Variants in GREB1L observed in about 807,000 individuals in gnomAD.
GREB1L encodes the protein GREB1 like retinoic acid receptor coactivator, also known as GREB1-like protein.
Under a neutral mutation model 200.8 loss-of-function variants are expected in GREB1L, and 17 were observed. The observed-to-expected ratio is 0.08, with a 90% CI of 0.06 to 0.13. GREB1L has a LOEUF of 0.13. Among genes scored for constraint, GREB1L ranks in the 10% least tolerant of loss-of-function variants. The pLI is 1.00. For missense variants in GREB1L, 1,657 were observed against 2,367.7 expected (o/e 0.70, Z 6.23); for synonymous variants, 789 against 893.0 (o/e 0.88, Z 2.08).
At position 21,443,277 on chromosome 18, in the gene GREB1L, A is replaced by G. The variant is rs561754817; in HGVS notation, c.1208-947A>G. On this transcript the variant is annotated intron_variant, in intron 10 of 32. Transcript: ENST00000424526. ...GAGTGCAGTGGCGCGATCTCGGCTC[A>G]CTGCAACCTCTGCCTCCTGGGTTCA... is the stretch of plus-strand genomic sequence containing the variant. Among the ~76,000 whole-genome samples the G allele has an allele frequency of 7.2e-4, 109 of 152,076 alleles. No homozygotes were observed. The Middle Eastern group carries it at 0.01, about 14-fold the overall frequency.
Position 21,247,582 on chromosome 18 carries a change from C to A in GREB1L, c.-120+5189C>A, listed in dbSNP as rs1254674536. 2.0e-5 allele frequency among the ~76,000 whole-genome samples: 3 copies of A among 152,230 alleles called. No individual in the cohort carries two copies. The East Asian group carries it at 5.8e-4, about 29-fold the overall frequency. On this transcript the variant is annotated intron_variant, in intron 1 of 32. Transcript: ENST00000424526. The stretch of plus-strand genomic sequence containing the variant: ...GACCTGCTTGTTACGGCTCTTCCAA[C>A]TTTTTGTGTGCTTAGGAGACTTTCT...
intron 27 of GREB1L, among the ~76,000 whole-genome samples, chr18:21,511,839 G>GTTTTT (rs1338608333): frequency 1.1e-4 from 16 of 152,130 alleles, no homozygotes; most frequent in Non-Finnish European, 1.5e-5. Context: ...TAGAGACATG[G>GTTTTT]GTCTGTGTTG....
chr18:21,449,132 CT>C (rs1382548849), intron 11 of GREB1L, among the ~76,000 whole-genome samples: 1 of 152,174 alleles, frequency 6.6e-6, no homozygotes, highest in Non-Finnish European at 1.5e-5. Flanking sequence ...AGGTTGGCTT[CT>C]TTTTTCATTA....
At chr18:21,489,092 G>A (rs2036234371) in intron 18 of GREB1L, among the ~76,000 whole-genome samples, 1 of 152,110 alleles carries the variant, frequency 6.6e-6, no homozygotes, top group African/African-American at 2.4e-5. Context: ...TTGCCCATTC[G>A]TACTCATTTT....
intron 1 of GREB1L, among the ~76,000 whole-genome samples, chr18:21,319,048 C>T (rs1164478855): frequency 1.3e-5 from 2 of 152,150 alleles, no homozygotes; most frequent in African/African-American, 2.4e-5. Context: ...CCTGGAGTCC[C>T]TCTTGGCCAA....
At chr18:21,293,697 T>C (rs189463419) in intron 1 of GREB1L, among the ~76,000 whole-genome samples, 3 of 152,340 alleles carry the variant, frequency 2.0e-5, no homozygotes, top group Admixed American at 1.3e-4. Context: ...ACAAAGTCAC[T>C]ATAGTTAGAG....
At chr18:21,510,842 C>G (rs928372110) in intron 27 of GREB1L, among the ~76,000 whole-genome samples, 1 of 151,924 alleles carries the variant, frequency 6.6e-6, no homozygotes, top group Non-Finnish European at 1.5e-5. Context: ...ACATCCTCAC[C>G]AACACTTTTT....
At chr18:21,286,616 A>C (rs2038361684) in intron 1 of GREB1L, among the ~76,000 whole-genome samples, 1 of 152,228 alleles carries the variant, frequency 6.6e-6, no homozygotes, top group African/African-American at 2.4e-5. Context: ...TATGGTTCCC[A>C]GCACTTTACA....
At chr18:21,327,629 C>T (rs1338300661) in intron 1 of GREB1L, among the ~76,000 whole-genome samples, 2 of 149,192 alleles carry the variant, frequency 1.3e-5, no homozygotes, top group Non-Finnish European at 3.0e-5. Flanking sequence ...GTACAGTCTT[C>T]AAGGACTCCC....
chr18:21,443,751 TC>T (rs1598849309), intron 10 of GREB1L, among the ~76,000 whole-genome samples: 1 of 152,306 alleles, frequency 6.6e-6, no homozygotes, highest in East Asian at 1.9e-4. Context: ...TCGAATATCC[TC>T]AAGTCCCTCA....
At chr18:21,348,328 C>T (rs1247936013) in intron 1 of GREB1L, among the ~76,000 whole-genome samples, 2 of 151,998 alleles carry the variant, frequency 1.3e-5, no homozygotes, top group Non-Finnish European at 2.9e-5. Flanking sequence ...CCTAGGCAGT[C>T]ACCAGGTAAT....
chr18:21,458,819 A>C (rs2034899972), intron 15 of GREB1L, among the ~76,000 whole-genome samples: 1 of 152,172 alleles, frequency 6.6e-6, no homozygotes, highest in African/African-American at 2.4e-5. Context: ...ATACTATAGG[A>C]AATTATTTTA....
At chr18:21,436,096 T>A (rs2033519508) in intron 7 of GREB1L, among the ~76,000 whole-genome samples, 1 of 152,138 alleles carries the variant, frequency 6.6e-6, no homozygotes, top group Admixed American at 6.5e-5. Flanking sequence ...GTGATTGCCA[T>A]CATCTGAGAC....
chr18:21,480,303 A>T (rs1489762580), intron 17 of GREB1L, among the ~76,000 whole-genome samples: 1 of 152,134 alleles, frequency 6.6e-6, no homozygotes, highest in African/African-American at 2.4e-5. Flanking sequence ...GTGAGCCGAG[A>T]TTATGCCACT....
In GREB1L at chr18:21,426,958, C is replaced by CAAAAAA. The variant is rs568993346; in HGVS notation, c.833-12554_833-12549dup. Among the ~76,000 whole-genome samples the CAAAAAA allele has an allele frequency of 4.7e-4, 32 of 68,418 alleles. 1 individual carries two copies. Among genetic ancestry groups the CAAAAAA allele is most frequent in the African/African-American group, 1.1e-3 (29 of 26,466 alleles). 44.9% of individuals were successfully genotyped at this position (68,418 alleles called of 152,430 possible). A position where few individuals can be genotyped will look rare whatever the true frequency, so the allele number is the denominator to read the frequency against. On this transcript the variant is annotated intron_variant, in intron 7 of 32. Transcript: ENST00000424526. ...TGGGCAACAGAGCGAGACTACGTCTCAAAAAAAAAAAAAACAAAAAAAAAA... is the reference window on the plus strand; with the variant it reads ...TGGGCAACAGAGCGAGACTACGTCTCAAAAAAAAAAAAAAAAAAAACAAAAAAAAAA...
At chr18:21,260,106 G>A (rs2037866127) in intron 1 of GREB1L, among the ~76,000 whole-genome samples, 1 of 151,874 alleles carries the variant, frequency 6.6e-6, no homozygotes. Context: ...TTCTACTGAT[G>A]TAGATTATAT....
At chr18:21,259,160 AT>A (rs1456934272) in intron 1 of GREB1L, among the ~76,000 whole-genome samples, 46 of 152,336 alleles carry the variant, frequency 3.0e-4, no homozygotes, top group African/African-American at 1.1e-3. Flanking sequence ...TCTATCCTAG[AT>A]TAAGGTTTGT....
At chr18:21,301,825 G>T (rs1163332444) in intron 1 of GREB1L, among the ~76,000 whole-genome samples, 1 of 152,106 alleles carries the variant, frequency 6.6e-6, no homozygotes, top group African/African-American at 2.4e-5. Context: ...CTTTAAAAAT[G>T]GCCAGTTCTA....
At chr18:21,477,838 A>G (rs185161802) in intron 17 of GREB1L, among the ~76,000 whole-genome samples, 1 of 152,232 alleles carries the variant, frequency 6.6e-6, no homozygotes, top group East Asian at 1.9e-4. Flanking sequence ...CAAAAGTTCC[A>G]TATATTTTAA....
Sources: allele counts gnomAD v4.1 joint callset (sites outside exome capture counted in the v4.1 genomes callset), GRCh38; gene constraint gnomAD v4.1.1; transcripts MANE v1.5; gene names NCBI Gene and HGNC (gene_info 2026-07-23, HGNC 2026-07-21).